The following SVIL variants were observed in gnomAD, a reference collection of about 807,000 sequenced individuals.
SVIL encodes the protein archvillin.
In SVIL, 101 loss-of-function variants were observed where a neutral mutation model predicts 240.4. The observed-to-expected ratio is 0.42, with a 90% confidence interval of 0.36 to 0.50. SVIL has a LOEUF of 0.50. Among genes scored for constraint, SVIL ranks in the 20% least tolerant of loss-of-function variants. The pLI, the probability that SVIL is intolerant of heterozygous loss-of-function variation, is 0.01. For missense variants in SVIL, 2,512 were observed against 2,818.7 expected (o/e 0.89, Z 2.46); for synonymous variants, 999 against 1,100.0 (o/e 0.91, Z 1.82).
At chr10:29,575,133 T>C (rs2505923) in intron 1 of SVIL, among the ~76,000 whole-genome samples, 152,306 of 152,374 alleles carry the variant, frequency 1, 76,119 homozygotes, top group Admixed American at 1. Flanking sequence ...AAAATGCACA[T>C]GAAATTACTG....
In SVIL at chr10:29,480,438, G is replaced by T. The variant is rs557422564; in HGVS notation, c.5377+99C>A. 75 of 1,455,502 alleles carry T rather than the reference G, an allele frequency of 5.2e-5. No individual in the cohort carries two copies. In the African/African-American group the frequency reaches 8.5e-4, roughly 17 times the overall value. 90.2% of individuals were successfully genotyped at this position (1,455,502 alleles called of 1,614,324 possible). A position where few individuals can be genotyped will look rare whatever the true frequency, so the allele number is the denominator to read the frequency against. On this transcript the variant is annotated intron_variant, in intron 29 of 37. Coordinates refer to ENST00000355867, the MANE Select transcript of SVIL (RefSeq NM_021738.3). ...GACTGCAGTGCCCCACTGCACGGAC[G>T]CAGCAGAGGGCATGACAGGGTTCAT...
intron 2 of SVIL, among the ~76,000 whole-genome samples, chr10:29,666,035 C>T (rs1564747023): frequency 6.6e-6 from 1 of 152,182 alleles, no homozygotes; most frequent in Non-Finnish European, 1.5e-5. Context: ...CCCTCCTTAG[C>T]GTCTCAACAG....
intron 2 of SVIL, among the ~76,000 whole-genome samples, chr10:29,667,776 G>A (rs986191525): frequency 6.6e-6 from 1 of 151,708 alleles, no homozygotes; most frequent in African/African-American, 2.4e-5. Flanking sequence ...GACTGCTTGA[G>A]CCCAGGACTT....
At chr10:29,699,646 C>A (rs1962353136) in intron 1 of SVIL, among the ~76,000 whole-genome samples, 1 of 152,176 alleles carries the variant, frequency 6.6e-6, no homozygotes. Flanking sequence ...CACGCTGAAG[C>A]CATAAAAACT....
chr10:29,694,288 C>T (rs1467002627), intron 1 of SVIL, among the ~76,000 whole-genome samples: 2 of 151,164 alleles, frequency 1.3e-5, no homozygotes, highest in Non-Finnish European at 2.9e-5. Flanking sequence ...TAGCACATGC[C>T]TATAGTCCAA....
chr10:29,470,224 C>A (rs1945401795), intron 32 of SVIL, 52 bp downstream of exon 32: 3 of 1,594,938 alleles, frequency 1.9e-6, no homozygotes, highest in African/African-American at 1.4e-5. Flanking sequence ...CCTGCCCCGT[C>A]CCTCTGGGAA....
chr10:29,708,583 T>C (rs970156195), intron 1 of SVIL, among the ~76,000 whole-genome samples: 1 of 152,112 alleles, frequency 6.6e-6, no homozygotes, highest in Non-Finnish European at 1.5e-5. Flanking sequence ...ATTGCGCCAC[T>C]ACACTCCAGC....
intron 1 of SVIL, among the ~76,000 whole-genome samples, chr10:29,731,946 AC>A (rs1964645275): frequency 6.6e-6 from 1 of 152,238 alleles, no homozygotes; most frequent in African/African-American, 2.4e-5. Context: ...ATCCAAAATA[AC>A]GCCGCCTGTT....
At chr10:29,650,404 A>T (rs764512002) in intron 3 of SVIL, among the ~76,000 whole-genome samples, 3 of 152,172 alleles carry the variant, frequency 2.0e-5, no homozygotes, top group Admixed American at 6.5e-5. Context: ...TGAGAAAGTT[A>T]CCACTTTGCC....
In SVIL at chr10:29,550,594, T is replaced by C; in HGVS notation, c.827+3A>G. On this transcript the variant is annotated splice_donor_region_variant and intron_variant, in intron 6 of 37. Transcript: ENST00000355867. Reference sequence around the variant, plus strand: ...GGGTGCTTAGCGTGGACTGGATGCTTACCTGGGTCGGGCCTCAGGGGATAG... The same window carrying C: ...GGGTGCTTAGCGTGGACTGGATGCTCACCTGGGTCGGGCCTCAGGGGATAG... 1.2e-6 allele frequency: 2 copies of C among 1,602,298 alleles called. No homozygotes were observed. Among genetic ancestry groups the C allele is most frequent in the Non-Finnish European group, 1.7e-6 (2 of 1,174,506 alleles).
At chr10:29,572,774 AAAAAAAAG>A (rs1381557223) in intron 1 of SVIL, among the ~76,000 whole-genome samples, 8 of 151,250 alleles carry the variant, frequency 5.3e-5, no homozygotes, top group Admixed American at 4.6e-4. Flanking sequence ...AAAAAAAAAA[AAAAAAAAG>A]AAAAAGAAAA....
intron 1 of SVIL, among the ~76,000 whole-genome samples, chr10:29,728,358 A>G (rs1020117881): frequency 6.6e-6 from 1 of 152,220 alleles, no homozygotes; most frequent in Non-Finnish European, 1.5e-5. Flanking sequence ...ATTTTCCCCA[A>G]AGTTCAGACC....
At chr10:29,531,950 C>A in intron 9 of SVIL, 52 bp downstream of exon 9, 1 of 1,598,948 alleles carries the variant, frequency 6.3e-7, no homozygotes, top group Non-Finnish European at 8.5e-7. Context: ...GGTAAAACTC[C>A]TGTGTCATTG....
intron 1 of SVIL, among the ~76,000 whole-genome samples, chr10:29,713,398 C>T (rs1345319196): frequency 6.6e-6 from 1 of 152,058 alleles, no homozygotes; most frequent in Non-Finnish European, 1.5e-5. Flanking sequence ...ATAATTTTAA[C>T]AGGAACCATT....
At position 29,551,212 on chromosome 10, in the gene SVIL, G is replaced by A; in HGVS notation, c.212C>T (p.Thr71Ile). Reference sequence around the variant, plus strand: ...GGTTTCTGTGCAGTATTTGGATCGAGTTTGCTTTTCTAGAGAAGAATCAGA... The same window carrying A: ...GGTTTCTGTGCAGTATTTGGATCGAATTTGCTTTTCTAGAGAAGAATCAGA... The part of the protein sequence containing the change: ...ETSDSSLEKQ[T>I]RSKYCTETSG... Residue 71 changes from threonine to isoleucine, a missense_variant, in exon 6 of 38, where the codon ACT (threonine) becomes ATT (isoleucine). Thr to Ile is a moderately conservative substitution (Grantham distance 89, BLOSUM62 -1). This residue lies in a region of SVIL where 1,443 missense variants were observed against 1,486.6 expected (regional missense o/e 0.97). Transcript: ENST00000355867. 2 of 1,609,382 alleles carry A rather than the reference G, an allele frequency of 1.2e-6. No individual in the cohort carries two copies.
chr10:29,562,001 G>A (rs764796614), intron 3 of SVIL, among the ~76,000 whole-genome samples: 14 of 152,112 alleles, frequency 9.2e-5, no homozygotes, highest in African/African-American at 1.9e-4. Context: ...CCTATCACCC[G>A]TTCAGTTCCT....
At chr10:29,652,103 G>A (rs1272998978) in intron 3 of SVIL, among the ~76,000 whole-genome samples, 1 of 152,050 alleles carries the variant, frequency 6.6e-6, no homozygotes, top group Admixed American at 6.6e-5. Context: ...TCATTCAATG[G>A]TTTTTAATAT....
At chr10:29,717,026 G>A (rs1963654127) in intron 1 of SVIL, among the ~76,000 whole-genome samples, 1 of 152,058 alleles carries the variant, frequency 6.6e-6, no homozygotes, top group African/African-American at 2.4e-5. Flanking sequence ...GTCAGAGATC[G>A]AGACCATCCT....
At position 29,587,178 on chromosome 10, in the gene SVIL, C is replaced by T. The variant is rs548396943; in HGVS notation, c.-200-17866G>A. ...CGGACAGTCACCTCCCCCTGCAAAC[C>T]TCCTGTTCTCCAACCAACCCATAAA... On this transcript the variant is annotated intron_variant, in intron 1 of 37. Transcript: ENST00000355867. Among the ~76,000 whole-genome samples the T allele has an allele frequency of 2.5e-3, 386 of 152,348 alleles. 2 individuals carry two copies. The highest frequency in any genetic ancestry group is 3.7e-3 in the Admixed American group (57 of 15,298).
Sources: allele counts gnomAD v4.1 joint callset (sites outside exome capture counted in the v4.1 genomes callset), GRCh38; gene constraint gnomAD v4.1.1; regional missense constraint gnomAD v4.1.1; transcripts MANE v1.5; gene names NCBI Gene and HGNC (gene_info 2026-07-23, HGNC 2026-07-21).